The following MCM10 variants were observed in gnomAD, a reference collection of about 807,000 sequenced individuals.
MCM10 encodes minichromosome maintenance 10 replication initiation factor.
Under a neutral mutation model 109.9 loss-of-function variants are expected in MCM10, and 91 were observed. The ratio of observed to expected loss-of-function variants is 0.83; its 90% CI spans 0.70 to 0.99. The LOEUF (loss-of-function observed/expected upper bound fraction) is 0.99, where lower values mean the gene tolerates loss of function less well. Among genes scored for constraint, MCM10 ranks in the 50% least tolerant of loss-of-function variants. The pLI is 0.00. For synonymous variants in MCM10, 380 were observed against 387.2 expected (o/e 0.98, Z 0.22); for missense variants, 1,077 against 1,061.2 (o/e 1.01, Z -0.21).
rs556597273 is a variant in MCM10 at position 13,169,741 on chromosome 10, T to G, written c.8-1181T>G. ...TTGTTTTTGAGATGGAGTCTCGCCC[T>G]GTCACCCAGGCTGGAGTGCAGTGGT... On this transcript the variant is annotated intron_variant, in intron 2 of 19. Transcript: ENST00000378714. Among the ~76,000 whole-genome samples, 6 of 152,358 alleles carry G rather than the reference T, an allele frequency of 3.9e-5. No individual in the cohort carries two copies. In the South Asian group the frequency reaches 1.2e-3, roughly 32 times the overall value.
chr10:13,201,718 C>G (rs1834502875), intron 17 of MCM10, 184 bp downstream of exon 17: 6 of 587,744 alleles, frequency 1.0e-5, no homozygotes, highest in Admixed American at 3.0e-5. Context: ...CTGCTGTGCT[C>G]TGCTGATGGA....
chr10:13,198,016 G>T (rs545301576), intron 15 of MCM10, among the ~76,000 whole-genome samples: 4 of 151,398 alleles, frequency 2.6e-5, no homozygotes, highest in African/African-American at 9.7e-5. Flanking sequence ...GGGTTCAAGC[G>T]ATCCTCCTGC....
rs536356483 is a variant in MCM10, at chr10:13,207,172, T to C, written c.2499-1919T>C. Among the ~76,000 whole-genome samples, 54 of 152,208 alleles carry C rather than the reference T, an allele frequency of 3.5e-4. 1 individual carries two copies. In the South Asian group the frequency reaches 0.011, roughly 31 times the overall value. ...AATGTCAGTGGTGAATATATTAGGC[T>C]TTGTGGGCCAGATGATCTGTCACAA... On this transcript the variant is annotated intron_variant, in intron 18 of 19. Coordinates refer to ENST00000378714, the MANE Select transcript of MCM10 (RefSeq NM_018518.5).
intron 7 of MCM10, 36 bp downstream of exon 7, chr10:13,180,643 A>G (rs778522928): frequency 1.2e-5 from 19 of 1,607,702 alleles, no homozygotes; most frequent in Non-Finnish European, 1.6e-5. Context: ...CTGTTTTACT[A>G]CAAACTGACA....
intron 6 of MCM10, among the ~76,000 whole-genome samples, chr10:13,177,362 GA>G (rs1407647930): frequency 2.0e-5 from 3 of 152,182 alleles, no homozygotes; most frequent in African/African-American, 7.2e-5. Context: ...CTTGGGACCA[GA>G]ACTGTTTTGG....
Position 13,183,106 on chromosome 10 carries a change from A to T in MCM10, c.1098+6A>T. On this transcript the variant is annotated splice_donor_region_variant and intron_variant, in intron 8 of 19. Coordinates refer to ENST00000378714, the MANE Select transcript of MCM10 (RefSeq NM_018518.5). ...CCAAGGATGGTTCAGAGGAGGTAAG[A>T]GCCTGTTTCTGGGATTTGATTGATG... is the stretch of plus-strand genomic sequence containing the variant. The T allele has an allele frequency of 6.2e-7, 1 of 1,603,866 alleles. No homozygotes were observed. The highest frequency in any genetic ancestry group is 1.8e-5 in the Admixed American group (1 of 56,476).
intron 8 of MCM10, among the ~76,000 whole-genome samples, chr10:13,184,057 C>T (rs1297198576): frequency 6.6e-6 from 1 of 151,942 alleles, no homozygotes; most frequent in Non-Finnish European, 1.5e-5. Context: ...CGAGTTTTAC[C>T]ATGTTGGCCA....
At chr10:13,205,202 CCCTTCGGTGTCTATTATTCCG>C (rs1834563671) in intron 18 of MCM10, among the ~76,000 whole-genome samples, 2 of 151,970 alleles carry the variant, frequency 1.3e-5, no homozygotes, top group South Asian at 4.2e-4. Context: ...CCCCCTCCCA[CCCTTCGGTGTCTATTATTCCG>C]CCTTCTGTGT....
chr10:13,206,121 G>A (rs1426328792), intron 18 of MCM10, among the ~76,000 whole-genome samples: 1 of 152,186 alleles, frequency 6.6e-6, no homozygotes, highest in Admixed American at 6.5e-5. Context: ...TTGTGAACGT[G>A]TACTGCTTGC....
chr10:13,201,831 G>A, intron 17 of MCM10: 1 of 305,064 alleles, frequency 3.3e-6, no homozygotes, highest in African/African-American at 2.1e-5. Context: ...GGCTCTGACT[G>A]CTCTTTCTCA....
chr10:13,187,287 C>T (rs750070729), intron 9 of MCM10, among the ~76,000 whole-genome samples: 10 of 152,178 alleles, frequency 6.6e-5, no homozygotes, highest in South Asian at 2.1e-4. Flanking sequence ...ACAATTGATC[C>T]GTGCTGTAGC....
chr10:13,198,879 C>T, intron 16 of MCM10, 72 bp downstream of exon 16: 1 of 972,594 alleles, frequency 1.0e-6, no homozygotes, highest in Non-Finnish European at 1.6e-6. Context: ...AGCTGTAGGA[C>T]CAAGAATGTG....
chr10:13,172,739 C>G lies in MCM10; in HGVS notation c.566C>G (p.Ala189Gly), dbSNP rs778158811. 1 of 1,614,010 alleles carries G rather than the reference C, an allele frequency of 6.2e-7. No individual in the cohort carries two copies. Among genetic ancestry groups the G allele is most frequent in the Non-Finnish European group, 8.5e-7 (1 of 1,180,034 alleles). The change falls in exon 5 of 20, where the codon GCT becomes GGT. Residue 189 changes from alanine (A) to glycine (G), a missense_variant. By Grantham distance (60) the Ala-to-Gly change is moderately conservative (BLOSUM62 0). Transcript: ENST00000378714. The surrounding 1 kb of genome is among the most constrained non-coding windows in gnomAD (Gnocchi z 5.2). ...VPALPRTKRV[A>G]RTPKASPPDP... The stretch of plus-strand genomic sequence containing the variant: ...GCGCTACCAAGAACCAAGAGGGTGG[C>G]TCGAACACCAAAGGCTTCACCTCCA...
rs1834226349 is a variant in MCM10, at chr10:13,182,890, T to C, written c.931-43T>C. ...TCTTGAATCATAAATGAGGACGGCA[T>C]AACCTACAGTTCAAAATTATAAAAA... On this transcript the variant is annotated intron_variant, in intron 7 of 19. Transcript: ENST00000378714. This position sits in a 1 kb window ranked among gnomAD's most constrained non-coding sequence, Gnocchi z 4.2. 1 of 1,499,798 alleles carries C rather than the reference T, an allele frequency of 6.7e-7. No homozygotes were observed. The highest frequency in any genetic ancestry group is 9.2e-7 in the Non-Finnish European group (1 of 1,088,182). The allele number at this position is 1,499,798 out of a possible 1,614,324, so 92.9% of individuals were successfully genotyped here. A position where few individuals can be genotyped will look rare whatever the true frequency, so the allele number is the denominator to read the frequency against.
rs139832998 is a variant in MCM10 at position 13,196,686 on chromosome 10, T to C, written c.1975-937T>C. Among the ~76,000 whole-genome samples the C allele has an allele frequency of 3.3e-3, 502 of 151,986 alleles. 2 individuals are homozygous for C. Among genetic ancestry groups the C allele is most frequent in the African/African-American group, 0.011 (474 of 41,472 alleles). The stretch of plus-strand genomic sequence containing the variant: ...CACCACCATGCCTGACTAATTTTTG[T>C]ATTTTTAGAAGAGACAGGGTTTCAC... On this transcript the variant is annotated intron_variant, in intron 14 of 19. Coordinates refer to ENST00000378714, the MANE Select transcript of MCM10 (RefSeq NM_018518.5).
intron 8 of MCM10, among the ~76,000 whole-genome samples, chr10:13,184,154 A>T: frequency 6.6e-6 from 1 of 151,912 alleles, no homozygotes; most frequent in East Asian, 1.9e-4. Context: ...CACCACGCCC[A>T]GCCTATTTTT....
Position 13,172,824 on chromosome 10 carries a change from G to T in MCM10, c.592+59G>T, listed in dbSNP as rs1407257604. On this transcript the variant is annotated intron_variant, in intron 5 of 19. Transcript: ENST00000378714. The surrounding 1 kb of genome is among the most constrained non-coding windows in gnomAD (Gnocchi z 5.2). ...ATTGTATGTGTTTATGTGTGTGGGG[G>T]TGTTCATGTGTGTGTGGGTGTCTGT... The T allele has an allele frequency of 3.9e-6, 6 of 1,529,156 alleles. No homozygotes were observed. The highest frequency in any genetic ancestry group is 5.4e-6 in the Non-Finnish European group (6 of 1,111,758). The allele number at this position is 1,529,156 out of a possible 1,614,324, so 94.7% of individuals were successfully genotyped here.
intron 5 of MCM10, among the ~76,000 whole-genome samples, chr10:13,173,346 A>T (rs1834100200): frequency 6.6e-6 from 1 of 152,054 alleles, no homozygotes; most frequent in Non-Finnish European, 1.5e-5. Context: ...TAGACTTGTG[A>T]GGTTATTCCC....
At chr10:13,178,430 A>G (rs1171299489) in intron 6 of MCM10, among the ~76,000 whole-genome samples, 3 of 152,184 alleles carry the variant, frequency 2.0e-5, no homozygotes, top group Non-Finnish European at 1.5e-5. Context: ...ATGGCGAGAG[A>G]TAGGGATCTA....
Sources: gnomAD v4.1 joint callset for allele counts (sites outside exome capture counted in the v4.1 genomes callset) on GRCh38, gnomAD v4.1.1 for gene constraint, Gnocchi (gnomAD v3.1) non-coding constraint, MANE v1.5 for transcripts, NCBI Gene and HGNC (gene_info 2026-07-23, HGNC 2026-07-21) for gene names.